Variants in IFT80 observed in about 807,000 individuals in gnomAD.
The protein encoded by IFT80 is intraflagellar transport protein 80 homolog.
A neutral mutation model predicts 107.9 loss-of-function variants in IFT80; 79 were observed. The observed-to-expected ratio is 0.73, with a 90% confidence interval of 0.61 to 0.88. The LOEUF (loss-of-function observed/expected upper bound fraction) is 0.88. IFT80 is among the 40% of genes least tolerant of loss of function. The probability of loss-of-function intolerance (pLI) is 0.00; values close to 1 mark genes in which losing one functional copy is unlikely to be tolerated. For synonymous variants in IFT80, 299 were observed against 300.9 expected (o/e 0.99, Z 0.07); for missense variants, 797 against 914.2 (o/e 0.87, Z 1.65).
At chr3:160,359,901 C>T (rs1291177358) in intron 6 of IFT80, among the ~76,000 whole-genome samples, 1 of 152,182 alleles carries the variant, frequency 6.6e-6, no homozygotes, top group African/African-American at 2.4e-5. Flanking sequence ...TGGGGAGAAA[C>T]CAGAGTAGAA....
chr3:160,380,422 T>C (rs1480953073), intron 3 of IFT80, among the ~76,000 whole-genome samples: 4 of 152,170 alleles, frequency 2.6e-5, no homozygotes, highest in Admixed American at 1.3e-4. Flanking sequence ...CAAAGTATGA[T>C]GAGCCTTGGG....
intron 8 of IFT80, among the ~76,000 whole-genome samples, chr3:160,324,125 T>C (rs1250856774): frequency 6.6e-6 from 1 of 152,074 alleles, no homozygotes; most frequent in African/African-American, 2.4e-5. Context: ...TCTGAAATTG[T>C]GGCAATAATC....
intron 9 of IFT80, among the ~76,000 whole-genome samples, chr3:160,315,584 T>G (rs537787118): frequency 1.3e-5 from 2 of 152,254 alleles, no homozygotes; most frequent in African/African-American, 4.8e-5. Context: ...GTCTCAAGAT[T>G]TTTATTTTCC....
At chr3:160,350,826 G>A (rs1397512174) in intron 8 of IFT80, among the ~76,000 whole-genome samples, 4 of 151,698 alleles carry the variant, frequency 2.6e-5, no homozygotes, top group East Asian at 1.9e-4. Context: ...AAAAAAAAAC[G>A]TATGTTACCT....
At chr3:160,392,356 A>G (rs1431074945) in intron 1 of IFT80, among the ~76,000 whole-genome samples, 1 of 152,142 alleles carries the variant, frequency 6.6e-6, no homozygotes, top group South Asian at 2.1e-4. Flanking sequence ...TACTAATTTC[A>G]TATTTCTGGT....
chr3:160,274,883 G>A (rs576421147), intron 18 of IFT80, among the ~76,000 whole-genome samples: 88 of 152,316 alleles, frequency 5.8e-4, no homozygotes, highest in South Asian at 1.7e-3. Flanking sequence ...TCGTGCCGCC[G>A]CACTCCAGCC....
intron 12 of IFT80, among the ~76,000 whole-genome samples, chr3:160,292,433 G>C (rs1403823511): frequency 6.6e-6 from 1 of 150,642 alleles, no homozygotes; most frequent in Non-Finnish European, 1.5e-5. Context: ...GATTCATCAA[G>C]AGAGAAGCAA....
chr3:160,328,734 C>G (rs1277840291), intron 8 of IFT80, among the ~76,000 whole-genome samples: 4 of 151,972 alleles, frequency 2.6e-5, no homozygotes. Context: ...TGGAATCAAC[C>G]TAAATTCCTG....
chr3:160,388,560 ATAT>A (rs1713118458), intron 1 of IFT80, among the ~76,000 whole-genome samples: 1 of 149,064 alleles, frequency 6.7e-6, no homozygotes, highest in Admixed American at 6.7e-5. Context: ...ATAAATATAC[ATAT>A]TATATTATTA....
chr3:160,341,343 T>A (rs1241603008), intron 8 of IFT80, among the ~76,000 whole-genome samples: 1 of 143,108 alleles, frequency 7.0e-6, no homozygotes, highest in Non-Finnish European at 1.5e-5. Flanking sequence ...TAACAATGAT[T>A]AAAAAAAAAA....
rs1263231149 is a variant in IFT80, at chr3:160,366,074, T to G, written c.518A>C (p.Lys173Thr). Residue 173 changes from lysine (K) to threonine (T), a missense_variant, in exon 6 of 20, where the codon AAA becomes ACA. Lys to Thr is a moderately conservative substitution (Grantham distance 78). Coordinates refer to ENST00000326448, the MANE Select transcript of IFT80 (RefSeq NM_020800.3). ...AACTTTAGCATTTGGTTGAAGAGGT[T>G]TAATGATTAGCTGCTTGCCTGCTGT... Reference protein sequence around the residue: ...LYTAGKQLIIKPLQPNAKVLQ... With the variant: ...LYTAGKQLIITPLQPNAKVLQ... The G allele has an allele frequency of 8.1e-6, 13 of 1,612,796 alleles. No homozygotes were observed. The South Asian group carries it at 1.4e-4, about 18-fold the overall frequency.
chr3:160,356,902 C>T (rs1484119795), intron 7 of IFT80, among the ~76,000 whole-genome samples: 2 of 152,116 alleles, frequency 1.3e-5, no homozygotes, highest in African/African-American at 2.4e-5. Flanking sequence ...AATTTAATTG[C>T]CTCTAACTCT....
chr3:160,358,416 C>T (rs1437607382), intron 6 of IFT80, among the ~76,000 whole-genome samples: 8 of 152,128 alleles, frequency 5.3e-5, no homozygotes, highest in Admixed American at 5.2e-4. Context: ...ACTTTATCTT[C>T]ATGTGTCTGG....
chr3:160,348,849 T>C (rs1214093946), intron 8 of IFT80, among the ~76,000 whole-genome samples: 1 of 152,170 alleles, frequency 6.6e-6, no homozygotes, highest in African/African-American at 2.4e-5. Flanking sequence ...TGTTATTTCA[T>C]TTATATGAAA....
intron 8 of IFT80, among the ~76,000 whole-genome samples, chr3:160,335,368 C>A (rs1719393843): frequency 1.3e-5 from 2 of 151,858 alleles, no homozygotes; most frequent in Admixed American, 1.3e-4. Flanking sequence ...ACTACAGGCA[C>A]CCGTCAGCAC....
intron 12 of IFT80, among the ~76,000 whole-genome samples, chr3:160,292,397 T>C (rs529165813): frequency 6.6e-6 from 1 of 151,658 alleles, no homozygotes; most frequent in Admixed American, 6.6e-5. Flanking sequence ...TATGAAGAAC[T>C]GGCTTGCATT....
At chr3:160,288,387 T>C (rs1006963323) in intron 12 of IFT80, among the ~76,000 whole-genome samples, 1 of 152,044 alleles carries the variant, frequency 6.6e-6, no homozygotes, top group African/African-American at 2.4e-5. Context: ...ATAAAAACCC[T>C]GGAAGACAAC....
intron 3 of IFT80, among the ~76,000 whole-genome samples, chr3:160,379,888 G>A (rs1333158519): frequency 6.6e-6 from 1 of 151,850 alleles, no homozygotes; most frequent in Non-Finnish European, 1.5e-5. Flanking sequence ...CAAGTCTCTC[G>A]GTAAATAAGG....
intron 9 of IFT80, among the ~76,000 whole-genome samples, chr3:160,317,422 C>T (rs1023755663): frequency 1.3e-5 from 2 of 151,966 alleles, no homozygotes; most frequent in Admixed American, 6.6e-5. Context: ...CATAAAAATC[C>T]TCCATCACTA....
Sources: gnomAD v4.1 joint callset for allele counts (sites outside exome capture counted in the v4.1 genomes callset) on GRCh38, gnomAD v4.1.1 for gene constraint, MANE v1.5 for transcripts, NCBI Gene and HGNC (gene_info 2026-07-23, HGNC 2026-07-21) for gene names.